The following PRPF18 variants were observed in gnomAD, a reference collection of about 807,000 sequenced individuals.
PRPF18 encodes the protein pre-mRNA processing factor 18.
In PRPF18, 38 loss-of-function variants were observed where a neutral mutation model predicts 46.5. That is an observed-to-expected ratio of 0.82 (90% confidence interval 0.63 to 1.07). PRPF18 has a LOEUF of 1.07. Ranked by LOEUF, PRPF18 falls within the 50% of genes least tolerant of loss-of-function variation. PRPF18 has a pLI of 0.00. For missense variants in PRPF18, 263 were observed against 410.0 expected, an observed-to-expected ratio of 0.64 and a Z score of 3.10; for synonymous variants, 152 against 146.7, an observed-to-expected ratio of 1.04 and a Z score of -0.26.
At position 13,630,436 on chromosome 10, in the gene PRPF18, G is replaced by T. The variant is rs2080579574; in HGVS notation, c.*96G>T. 2 of 985,268 alleles carry T rather than the reference G, an allele frequency of 2.0e-6. No individual in the cohort carries two copies. Among genetic ancestry groups the T allele is most frequent in the East Asian group, 5.2e-5 (2 of 38,360 alleles). The allele number at this position is 985,268 out of a possible 1,614,324, so 61.0% of individuals were successfully genotyped here. A position where few individuals can be genotyped will look rare whatever the true frequency, so the allele number is the denominator to read the frequency against. On this transcript the variant is annotated 3_prime_UTR_variant, in exon 10 of 10. Transcript: ENST00000378572. ...ACAGGAATGAGGAAAGAAGAAAACT[G>T]GAGTTTCCAGTCTCTGAGTTCTACC...
At chr10:13,632,199 G>A (rs1386430509), downstream of PRPF18, among the ~76,000 whole-genome samples, 1 of 152,048 alleles carries the variant, frequency 6.6e-6, no homozygotes, top group African/African-American at 2.4e-5. Flanking sequence ...AAATTAGCCG[G>A]GCATGGTGGC....
the PRPF18 span, chr10:13,641,685 G>A: frequency 2.6e-5 from 4 of 152,242 alleles, no homozygotes; most frequent in African/African-American, 9.6e-5. Context: ...ACATCCCAGT[G>A]AAGAAAGTGT....
intron 1 of PRPF18, among the ~76,000 whole-genome samples, chr10:13,590,328 G>A (rs188290671): frequency 1.6e-4 from 24 of 151,554 alleles, no homozygotes; most frequent in Middle Eastern, 6.8e-3. Flanking sequence ...ACATTCGGCC[G>A]GGCGCGGTGG....
intron 2 of PRPF18, among the ~76,000 whole-genome samples, 181 bp from the exon 3 acceptor site, chr10:13,600,063 G>A (rs1402907823): frequency 6.6e-6 from 1 of 152,180 alleles, no homozygotes; most frequent in East Asian, 1.9e-4. Context: ...TGCCCCTGAC[G>A]TGAATACGTT....
intron 1 of PRPF18, among the ~76,000 whole-genome samples, chr10:13,595,832 C>T (rs1362101641): frequency 6.6e-6 from 1 of 152,070 alleles, no homozygotes; most frequent in Non-Finnish European, 1.5e-5. Flanking sequence ...AAACCTTATT[C>T]TGAAAGTTTT....
At chr10:13,643,910 C>T in the PRPF18 span, 1 of 152,544 alleles carries the variant, frequency 6.6e-6, no homozygotes, top group Non-Finnish European at 1.5e-5. Flanking sequence ...GCTCTACAGT[C>T]AGTTTCAGGA....
intron 3 of PRPF18, 52 bp from the exon 4 acceptor site, chr10:13,605,579 C>T: frequency 9.0e-7 from 1 of 1,111,610 alleles, no homozygotes; most frequent in Non-Finnish European, 1.1e-6. Flanking sequence ...GAGACTGTCT[C>T]AAAAAAAAAA....
chr10:13,593,966 C>A (rs555135311), intron 1 of PRPF18, among the ~76,000 whole-genome samples: 5 of 152,148 alleles, frequency 3.3e-5, no homozygotes, highest in Non-Finnish European at 4.4e-5. Context: ...AATGTTGAGG[C>A]CCCAGTGGTT....
rs765670113 is a variant in PRPF18 at position 13,616,409 on chromosome 10, T to C, written c.804T>C (p.Ala268=). The change falls in exon 9 of 10, where the codon GCT becomes GCC. Residue 268 remains alanine, a synonymous_variant. Coordinates refer to ENST00000378572, the MANE Select transcript of PRPF18 (RefSeq NM_003675.4). ...CACTTTCCTTTCAGGCAAATGATGC[T>C]TATCTTCAGATGGCCATTGGAAATG... The part of the protein sequence containing the change: ...LQREYVKAND[A]YLQMAIGNAP... The C allele has an allele frequency of 1.6e-4, 261 of 1,608,600 alleles. No homozygotes were observed. Among genetic ancestry groups the C allele is most frequent in the Non-Finnish European group, 2.1e-4 (247 of 1,176,574 alleles).
At chr10:13,595,532 T>G (rs2080022694) in intron 1 of PRPF18, among the ~76,000 whole-genome samples, 1 of 152,228 alleles carries the variant, frequency 6.6e-6, no homozygotes, top group Non-Finnish European at 1.5e-5. Flanking sequence ...GAACTGTAGC[T>G]TGGAAGACTA....
At chr10:13,653,927 T>A in the PRPF18 span, 5 of 187,390 alleles carry the variant, frequency 2.7e-5, no homozygotes, top group East Asian at 7.1e-4. Context: ...CCTGATCTCT[T>A]TTGTGTGTTG....
intron 1 of PRPF18, among the ~76,000 whole-genome samples, chr10:13,588,624 C>T (rs1373170023): frequency 4.6e-5 from 7 of 151,664 alleles, no homozygotes; most frequent in Admixed American, 4.6e-4. Context: ...ATAGTAAATC[C>T]CAATTTTTTA....
chr10:13,587,940 G>A (rs1438454561), intron 1 of PRPF18, among the ~76,000 whole-genome samples: 1 of 152,164 alleles, frequency 6.6e-6, no homozygotes, highest in Non-Finnish European at 1.5e-5. Flanking sequence ...AGGGATGCAG[G>A]TGTGGGAATT....
chr10:13,625,364 A>G (rs148563773), intron 9 of PRPF18, among the ~76,000 whole-genome samples: 3 of 152,328 alleles, frequency 2.0e-5, no homozygotes, highest in African/African-American at 7.2e-5. Context: ...TGAAATAAGA[A>G]CATTAGGCTA....
chr10:13,637,872 C>T, the PRPF18 span: 1 of 152,186 alleles, frequency 6.6e-6, no homozygotes, highest in South Asian at 2.1e-4. Context: ...TGGATTATTT[C>T]ATTTCAGATA....
chr10:13,596,937 C>A (rs572585590), intron 1 of PRPF18, among the ~76,000 whole-genome samples: 1 of 152,214 alleles, frequency 6.6e-6, no homozygotes, highest in East Asian at 1.9e-4. Context: ...ACCAAGACCA[C>A]CCTATATGTA....
At chr10:13,617,395 A>G (rs2080360052) in intron 9 of PRPF18, among the ~76,000 whole-genome samples, 1 of 152,350 alleles carries the variant, frequency 6.6e-6, no homozygotes, top group Middle Eastern at 3.4e-3. Context: ...TTTATGCCTT[A>G]GTCACATATA....
chr10:13,613,373 G>A (rs1171093029), intron 6 of PRPF18, among the ~76,000 whole-genome samples: 1 of 152,128 alleles, frequency 6.6e-6, no homozygotes, highest in Non-Finnish European at 1.5e-5. Context: ...AGCATATGTA[G>A]AAAGTCCAGT....
the PRPF18 span, chr10:13,639,516 G>A: frequency 9.4e-6 from 1 of 106,748 alleles, no homozygotes; most frequent in African/African-American, 2.8e-5. Flanking sequence ...CACTAACGTG[G>A]GCCAAAAAAA....
Sources: gnomAD v4.1 joint callset for allele counts (sites outside exome capture counted in the v4.1 genomes callset) on GRCh38, gnomAD v4.1.1 for gene constraint, MANE v1.5 for transcripts, NCBI Gene and HGNC (gene_info 2026-07-23, HGNC 2026-07-21) for gene names.